The following HS3ST2 variants were observed in gnomAD, a reference collection of about 807,000 sequenced individuals.
HS3ST2 encodes heparan sulfate glucosamine 3-O-sulfotransferase 2.
In HS3ST2, 17 loss-of-function variants were observed where a neutral mutation model predicts 26.3. That is an observed-to-expected ratio of 0.65 (90% confidence interval 0.44 to 0.97). The LOEUF (loss-of-function observed/expected upper bound fraction) is 0.97. HS3ST2 is among the 50% of genes least tolerant of loss of function. The pLI is 0.00. For synonymous variants in HS3ST2, 237 were observed against 219.2 expected (o/e 1.08, Z -0.72); for missense variants, 402 against 501.2 (o/e 0.80, Z 1.89).
intron 1 of HS3ST2, among the ~76,000 whole-genome samples, chr16:22,837,848 G>T (rs866199617): frequency 2.0e-5 from 3 of 151,972 alleles, no homozygotes; most frequent in Middle Eastern, 3.4e-3. Context: ...TTCTTGTGAT[G>T]ATGTGAGATG....
chr16:22,819,576 A>C lies in HS3ST2; in HGVS notation c.485+4481A>C, dbSNP rs576068826. 3.9e-5 allele frequency among the ~76,000 whole-genome samples: 6 copies of C among 152,340 alleles called. No homozygotes were observed. The South Asian group carries it at 1.2e-3, about 32-fold the overall frequency. Reference sequence around the variant, plus strand: ...GAGGAAGTGTATCTTTTCTAAATGCATTGAAATGCCAACAAGAGCAAGTTA... The same window carrying C: ...GAGGAAGTGTATCTTTTCTAAATGCCTTGAAATGCCAACAAGAGCAAGTTA... On this transcript the variant is annotated intron_variant, in intron 1 of 1. Transcript: ENST00000261374.
rs562882093 is a variant in HS3ST2, at chr16:22,885,289, G to A, written c.486-29655G>A. Among the ~76,000 whole-genome samples the A allele has an allele frequency of 3.8e-4, 58 of 151,992 alleles. No individual in the cohort carries two copies. In the South Asian group the frequency reaches 9.2e-3, roughly 24 times the overall value. ...TCCAATATAGAAAAATCTTTCAGAT[G>A]TCAATGCAATCCATAGTCCCTAGAG... On this transcript the variant is annotated intron_variant, in intron 1 of 1. Coordinates refer to ENST00000261374, the MANE Select transcript of HS3ST2 (RefSeq NM_006043.2).
At chr16:22,881,599 G>C (rs1901991404) in intron 1 of HS3ST2, among the ~76,000 whole-genome samples, 1 of 152,190 alleles carries the variant, frequency 6.6e-6, no homozygotes, top group African/African-American at 2.4e-5. Context: ...GGAACAAAGA[G>C]GTCAACATAA....
chr16:22,898,381 T>TA (rs2141203463), intron 1 of HS3ST2, among the ~76,000 whole-genome samples: 1 of 152,336 alleles, frequency 6.6e-6, no homozygotes, highest in South Asian at 2.1e-4. Flanking sequence ...AGGCAATAGA[T>TA]AAACAGAGAG....
At chr16:22,832,375 C>T (rs1901183937) in intron 1 of HS3ST2, among the ~76,000 whole-genome samples, 1 of 152,086 alleles carries the variant, frequency 6.6e-6, no homozygotes, top group Non-Finnish European at 1.5e-5. Context: ...GAGCATCCTA[C>T]ACCCCTCAAC....
chr16:22,844,881 GTC>G (rs946101044), intron 1 of HS3ST2, among the ~76,000 whole-genome samples: 34 of 150,482 alleles, frequency 2.3e-4, no homozygotes, highest in Non-Finnish European at 4.3e-4. Context: ...TTGAGATGGA[GTC>G]TCAGTCTGTT....
intron 1 of HS3ST2, among the ~76,000 whole-genome samples, chr16:22,824,067 A>T (rs940958601): frequency 6.6e-6 from 1 of 152,212 alleles, no homozygotes; most frequent in Admixed American, 6.5e-5. Flanking sequence ...GTATCTGTAG[A>T]CGTCAGTGTC....
intron 1 of HS3ST2, among the ~76,000 whole-genome samples, chr16:22,856,672 G>T (rs554080927): frequency 1.3e-5 from 2 of 152,128 alleles, no homozygotes; most frequent in Non-Finnish European, 2.9e-5. Context: ...TTTGAATCTG[G>T]AGGAGCAGGA....
chr16:22,888,704 G>A (rs1354455910), intron 1 of HS3ST2, among the ~76,000 whole-genome samples: 3 of 152,142 alleles, frequency 2.0e-5, no homozygotes, highest in African/African-American at 7.2e-5. Context: ...GCTTTTCTTA[G>A]CATTAGACAC....
At chr16:22,880,339 C>T (rs1391256296) in intron 1 of HS3ST2, among the ~76,000 whole-genome samples, 3 of 152,090 alleles carry the variant, frequency 2.0e-5, no homozygotes, top group African/African-American at 7.2e-5. Flanking sequence ...ATCGCTTCAA[C>T]CTGGGAGGTT....
At chr16:22,893,146 A>T (rs1902152681) in intron 1 of HS3ST2, among the ~76,000 whole-genome samples, 1 of 152,140 alleles carries the variant, frequency 6.6e-6, no homozygotes, top group African/African-American at 2.4e-5. Context: ...AAAACACTTG[A>T]ATTTGTATCT....
At chr16:22,837,555 GTA>G (rs1267572785) in intron 1 of HS3ST2, among the ~76,000 whole-genome samples, 18 of 134,426 alleles carry the variant, frequency 1.3e-4, no homozygotes, top group African/African-American at 4.6e-4. Context: ...GTATATATAT[GTA>G]TATATATACA....
intron 1 of HS3ST2, among the ~76,000 whole-genome samples, chr16:22,895,120 C>G (rs868264868): frequency 2.9e-5 from 4 of 140,146 alleles, no homozygotes; most frequent in African/African-American, 1.1e-4. Flanking sequence ...GAGACAGTTT[C>G]GCTCTGTTGC....
At chr16:22,884,911 G>C (rs918284027) in intron 1 of HS3ST2, among the ~76,000 whole-genome samples, 3 of 149,624 alleles carry the variant, frequency 2.0e-5, no homozygotes, top group African/African-American at 7.4e-5. Flanking sequence ...CATGATCTCA[G>C]CTCACTGCAA....
At chr16:22,834,520 A>G (rs1011515993) in intron 1 of HS3ST2, among the ~76,000 whole-genome samples, 5 of 152,114 alleles carry the variant, frequency 3.3e-5, no homozygotes, top group Admixed American at 6.6e-5. Context: ...TATTATTTAT[A>G]CAATCATTAA....
chr16:22,888,183 T>C (rs1486526973), intron 1 of HS3ST2, among the ~76,000 whole-genome samples: 1 of 152,114 alleles, frequency 6.6e-6, no homozygotes, highest in African/African-American at 2.4e-5. Context: ...ATTTATTGAA[T>C]TTAAATCCTT....
chr16:22,833,384 A>G, intron 1 of HS3ST2: 1 of 444,802 alleles, frequency 2.2e-6, no homozygotes, highest in Admixed American at 2.4e-5. Flanking sequence ...TGTGGATGAT[A>G]ATTAAATTCA....
Position 22,847,127 on chromosome 16 carries a change from C to T in HS3ST2, c.485+32032C>T, listed in dbSNP as rs530814973. 5.3e-5 allele frequency among the ~76,000 whole-genome samples: 8 copies of T among 152,248 alleles called. No individual in the cohort carries two copies. The South Asian group carries it at 1.7e-3, about 32-fold the overall frequency. On this transcript the variant is annotated intron_variant, in intron 1 of 1. Coordinates refer to ENST00000261374, the MANE Select transcript of HS3ST2 (RefSeq NM_006043.2). ...TAGTTATTTCTTTCTGATCCTTGCC[C>T]TCTTCCCACCCTCCACCCTCAAGTG...
At chr16:22,875,399 G>T (rs1901901421) in intron 1 of HS3ST2, among the ~76,000 whole-genome samples, 1 of 149,464 alleles carries the variant, frequency 6.7e-6, no homozygotes, top group East Asian at 2.0e-4. Context: ...TATTTATTTA[G>T]AGATAGAGTC....
Sources: gnomAD v4.1 joint callset for allele counts (sites outside exome capture counted in the v4.1 genomes callset) on GRCh38, gnomAD v4.1.1 for gene constraint, MANE v1.5 for transcripts, NCBI Gene and HGNC (gene_info 2026-07-23, HGNC 2026-07-21) for gene names.